Variants in CFI observed in about 807,000 individuals in gnomAD.
CFI encodes complement factor I, also known as C3B/C4B inactivator.
CFI carries 66 observed loss-of-function variants against 78.8 expected under a neutral mutation model. The observed-to-expected ratio is 0.84, with a 90% CI of 0.69 to 1.03. CFI has a LOEUF of 1.03. Ranked by LOEUF, CFI falls within the 50% of genes least tolerant of loss-of-function variation. The pLI, the probability that CFI is intolerant of heterozygous loss-of-function variation, is 0.00. For missense variants in CFI, 706 were observed against 704.5 expected, an observed-to-expected ratio of 1.00 and a Z score of -0.02; for synonymous variants, 250 against 232.6, an observed-to-expected ratio of 1.07 and a Z score of -0.68.
intron 1 of CFI, among the ~76,000 whole-genome samples, chr4:109,783,014 T>C (rs749588604): frequency 3.3e-5 from 5 of 152,132 alleles, no homozygotes; most frequent in Non-Finnish European, 7.4e-5. Context: ...TCTCACCTTA[T>C]ACAAAAATCA....
intron 7 of CFI, among the ~76,000 whole-genome samples, chr4:109,752,920 T>TAAATATTTATA (rs1287584361): frequency 3.9e-5 from 3 of 76,950 alleles, no homozygotes; most frequent in Non-Finnish European, 8.6e-5. Flanking sequence ...ATATTTATAA[T>TAAATATTTATA]ATATATTTAT....
At chr4:109,735,244 C>T in the CFI span, among the ~76,000 whole-genome samples, 5 of 151,018 alleles carry the variant, frequency 3.3e-5, no homozygotes, top group South Asian at 2.1e-4. Context: ...CATGAGCCAC[C>T]GCACCCAGCC....
intron 1 of CFI, among the ~76,000 whole-genome samples, chr4:109,782,125 T>A (rs1455386234): frequency 6.6e-6 from 1 of 152,064 alleles, no homozygotes; most frequent in East Asian, 1.9e-4. Context: ...ACTCTCACCA[T>A]TCCTCTTCAA....
At chr4:109,742,223 A>G (rs1579153232) in intron 12 of CFI, 2 of 411,600 alleles carry the variant, frequency 4.9e-6, no homozygotes, top group East Asian at 4.6e-5. Context: ...AAGCTGGGAT[A>G]TAAATCTAGG....
intron 2 of CFI, among the ~76,000 whole-genome samples, chr4:109,766,335 A>C (rs1486007823): frequency 3.3e-5 from 5 of 152,156 alleles, no homozygotes; most frequent in Non-Finnish European, 7.3e-5. Context: ...CACTGAAGGA[A>C]GGTCTGGACT....
chr4:109,743,274 G>C (rs1458551788), intron 11 of CFI, among the ~76,000 whole-genome samples: 1 of 152,058 alleles, frequency 6.6e-6, no homozygotes, highest in Non-Finnish European at 1.5e-5. Context: ...CTTAGAACAA[G>C]AGCTTTTTTA....
chr4:109,754,355 G>A (rs1725844088), intron 7 of CFI, among the ~76,000 whole-genome samples: 1 of 149,524 alleles, frequency 6.7e-6, no homozygotes, highest in African/African-American at 2.5e-5. Context: ...ACATGAAAAA[G>A]GCTCCTCTCA....
chr4:109,732,831 G>A, the CFI span, among the ~76,000 whole-genome samples: 10 of 143,958 alleles, frequency 6.9e-5, no homozygotes, highest in Non-Finnish European at 1.3e-4. Flanking sequence ...CACTCCAGCC[G>A]AGGCCACAGA....
At chr4:109,789,624 C>A (rs1206462324) in intron 1 of CFI, among the ~76,000 whole-genome samples, 2 of 151,918 alleles carry the variant, frequency 1.3e-5, no homozygotes, top group African/African-American at 4.8e-5. Flanking sequence ...CACACAAAAG[C>A]TGAAGGAATT....
intron 1 of CFI, among the ~76,000 whole-genome samples, chr4:109,774,091 AT>A (rs2125831185): frequency 6.6e-6 from 1 of 152,358 alleles, no homozygotes; most frequent in Admixed American, 6.5e-5. Flanking sequence ...CTTTACTAAT[AT>A]TTAAACATAG....
chr4:109,735,440 A>G, the CFI span, among the ~76,000 whole-genome samples: 4 of 152,358 alleles, frequency 2.6e-5, no homozygotes, highest in Non-Finnish European at 5.9e-5. Flanking sequence ...TTAACTTAGA[A>G]TGCTTGGAAA....
intron 1 of CFI, among the ~76,000 whole-genome samples, chr4:109,770,695 C>A (rs377674303): frequency 1.9e-4 from 26 of 139,768 alleles, no homozygotes; most frequent in African/African-American, 7.0e-4. Flanking sequence ...ATTGAGAATA[C>A]AGGAATTTTT....
At chr4:109,760,054 G>A in intron 6 of CFI, 4 of 683,204 alleles carry the variant, frequency 5.9e-6, no homozygotes, top group Non-Finnish European at 1.1e-5. Context: ...TGTGCAGTGA[G>A]ACCGTCTTTT....
intron 10 of CFI, among the ~76,000 whole-genome samples, chr4:109,748,544 A>C (rs1413750351): frequency 6.6e-6 from 1 of 152,196 alleles, no homozygotes; most frequent in Non-Finnish European, 1.5e-5. Flanking sequence ...GATTGAGCTG[A>C]GATCTGAACA....
intron 7 of CFI, among the ~76,000 whole-genome samples, chr4:109,756,888 GGAAAGAAAGAAAGAAAGAAAGAAA>G (rs561123299): frequency 0.086 from 4,950 of 57,844 alleles, 224 homozygotes; most frequent in South Asian, 0.13. Flanking sequence ...AAGAAAGAAA[GGAAAGAAAGAAAGAAAGAAAGAAA>G]GAAAGAAAGA....
rs1213975506 is a variant in CFI at position 109,760,561 on chromosome 4, T to C, written c.734A>G (p.Asn245Ser). 2.4e-5 allele frequency: 39 copies of C among 1,610,288 alleles called. No individual in the cohort carries two copies. Among genetic ancestry groups the C allele is most frequent in the Non-Finnish European group, 3.2e-5 (38 of 1,176,552 alleles). Reference sequence around the variant, plus strand: ...TTCATCACTTTGGTCTCCACAATCATTGATACCATCACAGGCTTTCATCTG... The same window carrying C: ...TTCATCACTTTGGTCTCCACAATCACTGATACCATCACAGGCTTTCATCTG... Reference protein sequence around the residue: ...ISQMKACDGINDCGDQSDELC... With the variant: ...ISQMKACDGISDCGDQSDELC... The change falls in exon 5 of 13, where the codon AAT becomes AGT. Residue 245 changes from asparagine (N) to serine (S), a missense_variant. Coordinates refer to ENST00000394634, the MANE Select transcript of CFI (RefSeq NM_000204.5).
chr4:109,762,250 T>G (rs2126217445), intron 3 of CFI: 1 of 152,452 alleles, frequency 6.6e-6, no homozygotes, highest in Admixed American at 6.5e-5. Flanking sequence ...GCCTGCCCCA[T>G]GCTGTAAACT....
intron 8 of CFI, among the ~76,000 whole-genome samples, chr4:109,750,004 C>CT (rs1034127151): frequency 1.5e-4 from 22 of 148,722 alleles, no homozygotes; most frequent in East Asian, 5.9e-4. Flanking sequence ...TTCTTTCTTT[C>CT]TTTTTTTTTT....
intron 1 of CFI, among the ~76,000 whole-genome samples, chr4:109,784,894 A>G (rs1025389684): frequency 2.4e-4 from 13 of 53,756 alleles, no homozygotes; most frequent in African/African-American, 1.7e-3. Context: ...GAAGCAACTG[A>G]AAGAACCACA....
Sources: gnomAD v4.1 joint callset for allele counts (sites outside exome capture counted in the v4.1 genomes callset) on GRCh38, gnomAD v4.1.1 for gene constraint, MANE v1.5 for transcripts, NCBI Gene and HGNC (gene_info 2026-07-23, HGNC 2026-07-21) for gene names.